The following SNRPD1 variants were observed in gnomAD, a reference collection of about 807,000 sequenced individuals.
SNRPD1 encodes small nuclear ribonucleoprotein Sm D1.
A neutral mutation model predicts 14.4 loss-of-function variants in SNRPD1; 1 was observed. That is an observed-to-expected ratio of 0.07 (90% CI 0.02 to 0.33). The LOEUF (loss-of-function observed/expected upper bound fraction) is 0.33. Among genes scored for constraint, SNRPD1 ranks in the 10% least tolerant of loss-of-function variants. The pLI is 1.00. For missense variants in SNRPD1, 52 were observed against 146.4 expected, an observed-to-expected ratio of 0.36 and a Z score of 3.33; for synonymous variants, 42 against 50.3, an observed-to-expected ratio of 0.83 and a Z score of 0.70.
intron 1 of SNRPD1, among the ~76,000 whole-genome samples, chr18:21,619,892 C>T (rs1011539125): frequency 6.6e-6 from 1 of 152,186 alleles, no homozygotes; most frequent in African/African-American, 2.4e-5. Context: ...TCTAGCGATC[C>T]TCCCACCTCA....
At chr18:21,626,423 A>G in intron 3 of SNRPD1, among the ~76,000 whole-genome samples, 1 of 149,058 alleles carries the variant, frequency 6.7e-6, no homozygotes, top group Non-Finnish European at 1.5e-5. Context: ...AAAGGAAACT[A>G]CAACAAATTA....
chr18:21,613,594 C>T (rs1383262759), intron 1 of SNRPD1, among the ~76,000 whole-genome samples: 1 of 152,016 alleles, frequency 6.6e-6, no homozygotes, highest in Non-Finnish European at 1.5e-5. Flanking sequence ...CAGTGGCTCA[C>T]GTCTGTAATC....
At chr18:21,628,441 T>C (rs1426741849) in intron 3 of SNRPD1, among the ~76,000 whole-genome samples, 1 of 152,222 alleles carries the variant, frequency 6.6e-6, no homozygotes, top group Non-Finnish European at 1.5e-5. Context: ...TATTCTTAGC[T>C]GTCTGAAGAT....
intron 1 of SNRPD1, among the ~76,000 whole-genome samples, chr18:21,619,112 A>G (rs917280988): frequency 2.0e-5 from 3 of 152,186 alleles, no homozygotes; most frequent in African/African-American, 4.8e-5. Flanking sequence ...ATATAGGAGA[A>G]TGTCATTAGA....
chr18:21,614,665 C>G (rs1031674105), intron 1 of SNRPD1, among the ~76,000 whole-genome samples: 1 of 152,144 alleles, frequency 6.6e-6, no homozygotes, highest in Non-Finnish European at 1.5e-5. Context: ...GATACATTGC[C>G]AATTTTGCCA....
At chr18:21,614,075 C>A (rs1446921034) in intron 1 of SNRPD1, among the ~76,000 whole-genome samples, 1 of 151,768 alleles carries the variant, frequency 6.6e-6, no homozygotes, top group African/African-American at 2.4e-5. Context: ...GAGTTCAGGA[C>A]CTGCCTGGCC....
At chr18:21,620,882 G>A (rs1414504208) in intron 1 of SNRPD1, among the ~76,000 whole-genome samples, 2 of 152,156 alleles carry the variant, frequency 1.3e-5, no homozygotes, top group Non-Finnish European at 2.9e-5. Context: ...AAGATATTCA[G>A]GCAGGGCGCG....
chr18:21,617,670 C>T (rs912871355), intron 1 of SNRPD1, among the ~76,000 whole-genome samples: 5 of 152,154 alleles, frequency 3.3e-5, no homozygotes, highest in African/African-American at 1.2e-4. Context: ...AGGAACCTGC[C>T]TAACTCCTCT....
At chr18:21,625,372 A>G (rs1247904323) in intron 3 of SNRPD1, among the ~76,000 whole-genome samples, 1 of 137,382 alleles carries the variant, frequency 7.3e-6, no homozygotes, top group Non-Finnish European at 1.5e-5. Context: ...GCTGGAGTGC[A>G]GTGGCAGGAT....
chr18:21,633,206 G>A lies in SNRPD1; in HGVS notation c.*4068G>A, dbSNP rs1267189823. On this transcript the variant is annotated 3_prime_UTR_variant, in exon 4 of 4. Coordinates refer to ENST00000300413, the MANE Select transcript of SNRPD1 (RefSeq NM_006938.4). The stretch of plus-strand genomic sequence containing the variant: ...ATATAGATAGAAAACCCAAAGTGAA[G>A]GAATAGAAAATGAAATATCAGTTTC... The A allele has an allele frequency of 6.6e-6, 1 of 152,028 alleles. No individual in the cohort carries two copies. 9.4% of individuals were successfully genotyped at this position (152,028 alleles called of 1,614,324 possible).
intron 1 of SNRPD1, among the ~76,000 whole-genome samples, chr18:21,613,566 C>T (rs1598489697): frequency 6.6e-6 from 1 of 152,094 alleles, no homozygotes; most frequent in Admixed American, 6.6e-5. Flanking sequence ...CTTCAACACT[C>T]AGGGAGGAGG....
At chr18:21,615,959 AT>A (rs1261226682) in intron 1 of SNRPD1, among the ~76,000 whole-genome samples, 2 of 152,098 alleles carry the variant, frequency 1.3e-5, no homozygotes, top group Non-Finnish European at 1.5e-5. Flanking sequence ...ATGTAGTGGT[AT>A]CTCCTTAGGG....
intron 3 of SNRPD1, among the ~76,000 whole-genome samples, chr18:21,625,441 C>T (rs761189488): frequency 6.7e-6 from 1 of 149,462 alleles, no homozygotes; most frequent in Non-Finnish European, 1.5e-5. Flanking sequence ...TTCAGCCTCC[C>T]AAGTAGCTGG....
At chr18:21,624,404 C>T (rs2959525) in intron 3 of SNRPD1, among the ~76,000 whole-genome samples, 76,625 of 148,030 alleles carry the variant, frequency 0.52, 22,713 homozygotes, top group African/African-American at 0.82. Context: ...CAACAAATAT[C>T]GATGTGGTCG....
At position 21,633,490 on chromosome 18, in the gene SNRPD1, G is replaced by C. The variant is rs1025428502; in HGVS notation, c.*4352G>C. The C allele has an allele frequency of 5.9e-5, 9 of 152,060 alleles. 1 individual carries two copies. The highest frequency in any genetic ancestry group is 2.2e-4 in the African/African-American group (9 of 41,404). 9.4% of individuals were successfully genotyped at this position (152,060 alleles called of 1,614,324 possible). On this transcript the variant is annotated 3_prime_UTR_variant, in exon 4 of 4. Transcript: ENST00000300413. ...TGGCCTTTATTAATGTGAAATTCTT[G>C]TGGATCTGTGAAATAAAGAGGAGTA...
chr18:21,619,596 C>T (rs1054878518), intron 1 of SNRPD1, among the ~76,000 whole-genome samples: 5 of 151,508 alleles, frequency 3.3e-5, no homozygotes, highest in Admixed American at 2.0e-4. Flanking sequence ...ACCAGCCCAA[C>T]GGGTGAAACC....
chr18:21,621,325 T>G (rs1171009137), intron 1 of SNRPD1, among the ~76,000 whole-genome samples: 1 of 152,172 alleles, frequency 6.6e-6, no homozygotes, highest in African/African-American at 2.4e-5. Flanking sequence ...ACCAAAGTAA[T>G]GTCCGTCAAC....
At chr18:21,612,651 G>A (rs1222345610) in intron 1 of SNRPD1, among the ~76,000 whole-genome samples, 3 of 152,280 alleles carry the variant, frequency 2.0e-5, no homozygotes, top group Non-Finnish European at 4.4e-5. Context: ...CAAGAGATTG[G>A]TATAAAGGCC....
chr18:21,624,828 A>ATTCTTAAG (rs1345700904), intron 3 of SNRPD1, among the ~76,000 whole-genome samples: 2 of 152,010 alleles, frequency 1.3e-5, no homozygotes, highest in Non-Finnish European at 2.9e-5. Flanking sequence ...AAATCTACAG[A>ATTCTTAAG]TTCTTAAGTC....
Sources: allele counts gnomAD v4.1 joint callset (sites outside exome capture counted in the v4.1 genomes callset), GRCh38; gene constraint gnomAD v4.1.1; transcripts MANE v1.5; gene names NCBI Gene and HGNC (gene_info 2026-07-23, HGNC 2026-07-21).